Variants in PCDH1 observed in about 807,000 individuals in gnomAD.
PCDH1 encodes protocadherin-1.
A neutral mutation model predicts 74.6 loss-of-function variants in PCDH1; 23 were observed. The observed-to-expected ratio is 0.31, with a 90% CI of 0.22 to 0.44. The LOEUF (loss-of-function observed/expected upper bound fraction) is 0.44, where lower values mean the gene tolerates loss of function less well. PCDH1 is among the 20% of genes least tolerant of loss of function. The pLI is 1.00. For missense variants in PCDH1, 1,214 were observed against 1,641.4 expected (o/e 0.74, Z 4.50); for synonymous variants, 647 against 686.1 (o/e 0.94, Z 0.89).
intron 1 of PCDH1, among the ~76,000 whole-genome samples, chr5:141,873,060 T>A (rs1337670351): frequency 1.3e-5 from 2 of 152,148 alleles, no homozygotes; most frequent in Middle Eastern, 3.4e-3. Flanking sequence ...TGTGATGCAA[T>A]GGTCGGACCA....
intron 3 of PCDH1, among the ~76,000 whole-genome samples, chr5:141,860,567 C>A (rs1007268022): frequency 8.6e-5 from 13 of 151,584 alleles, no homozygotes; most frequent in Admixed American, 3.9e-4. Context: ...CTCTGCAGAG[C>A]CTTTAATAGG....
In PCDH1 at chr5:141,856,715, A is replaced by G. The variant is rs368052496; in HGVS notation, c.3319+537T>C. 5.9e-5 allele frequency among the ~76,000 whole-genome samples: 9 copies of G among 152,026 alleles called. No homozygotes were observed. In the South Asian group the frequency reaches 1.9e-3, roughly 32 times the overall value. Reference sequence around the variant, plus strand: ...CAGACCTCCTACCGCGCTCTTCCTCAAAGAGGTGCCAAACCTTCTCCCACT... The same window carrying G: ...CAGACCTCCTACCGCGCTCTTCCTCGAAGAGGTGCCAAACCTTCTCCCACT... On this transcript the variant is annotated intron_variant, in intron 4 of 4. Transcript: ENST00000287008.
rs1253597329 is a variant in PCDH1, at chr5:141,869,723, C to G, written c.41-292G>C. The G allele has an allele frequency of 2.0e-6, 3 of 1,471,522 alleles. No individual in the cohort carries two copies. The highest frequency in any genetic ancestry group is 2.7e-6 in the Non-Finnish European group (3 of 1,110,612). 91.2% of individuals were successfully genotyped at this position (1,471,522 alleles called of 1,614,324 possible). ...TCACCCACCTGACGCTCCCTGGGCC[C>G]AAGCCCGGCTGCCCGCCCTCTTTCC... On this transcript the variant is annotated intron_variant, in intron 1 of 4. Transcript: ENST00000287008. This position sits in a 1 kb window ranked among gnomAD's most constrained non-coding sequence, Gnocchi z 4.9.
At chr5:141,867,469 C>A in intron 2 of PCDH1, 1 of 415,228 alleles carries the variant, frequency 2.4e-6, no homozygotes, top group Non-Finnish European at 4.7e-6. Flanking sequence ...ATAATACTTA[C>A]CTTGTACTGT....
At chr5:141,871,218 A>T (rs1753089977) in intron 1 of PCDH1, among the ~76,000 whole-genome samples, 1 of 152,254 alleles carries the variant, frequency 6.6e-6, no homozygotes, top group Non-Finnish European at 1.5e-5. Context: ...ACCTTTGCAC[A>T]TCTGGGTACA....
intron 3 of PCDH1, among the ~76,000 whole-genome samples, chr5:141,858,241 A>G (rs1278948749): frequency 6.6e-6 from 1 of 152,146 alleles, no homozygotes; most frequent in East Asian, 1.9e-4. Context: ...TGGGAGTGGA[A>G]AAAAAGGGAG....
chr5:141,857,972 C>G (rs953390668), intron 3 of PCDH1, among the ~76,000 whole-genome samples: 28 of 152,178 alleles, frequency 1.8e-4, no homozygotes, highest in Admixed American at 1.6e-3. Flanking sequence ...CTAAAAGAAG[C>G]AGACTCCTAA....
intron 3 of PCDH1, chr5:141,862,555 G>T: frequency 1.1e-6 from 1 of 871,556 alleles, no homozygotes; most frequent in Non-Finnish European, 1.4e-6. Flanking sequence ...GAGGCAAAGA[G>T]AAGGGAAGGG....
At chr5:141,871,304 G>T (rs1753091541) in intron 1 of PCDH1, among the ~76,000 whole-genome samples, 1 of 152,242 alleles carries the variant, frequency 6.6e-6, no homozygotes, top group Admixed American at 6.5e-5. Flanking sequence ...CCTGGGCACT[G>T]GGATGCAGAA....
rs748800979 is a variant in PCDH1, at chr5:141,864,654, G to A, written c.1677C>T (p.Pro559=). 23 of 1,613,616 alleles carry A rather than the reference G, an allele frequency of 1.4e-5. No individual in the cohort carries two copies. Among genetic ancestry groups the A allele is most frequent in the East Asian group, 1.3e-4 (6 of 44,878 alleles). ...TCTTCACCTGGATCTCTCCAGTCTC[G>A]GGTGAGATGGTGAAGAGGCCCTTAG... The part of the protein sequence containing the change: ...PAAKGLFTIS[P]ETGEIQVKTS... The change falls in exon 3 of 5, where the codon CCC becomes CCT. Residue 559 remains proline (P), a synonymous_variant. Coordinates refer to ENST00000287008, the MANE Select transcript of PCDH1 (RefSeq NM_032420.5). The surrounding 1 kb of genome is among the most constrained non-coding windows in gnomAD (Gnocchi z 5.9).
At position 141,863,893 on chromosome 5, in the gene PCDH1, T is replaced by A. The variant is rs751967807; in HGVS notation, c.2438A>T (p.Asn813Ile). 1 of 1,613,990 alleles carries A rather than the reference T, an allele frequency of 6.2e-7. No homozygotes were observed. Among genetic ancestry groups the A allele is most frequent in the Non-Finnish European group, 8.5e-7 (1 of 1,180,012 alleles). Residue 813 changes from asparagine to isoleucine, a missense_variant, in exon 3 of 5, where the codon AAT becomes ATT. Around this residue, in one of 4 missense-constraint regions of PCDH1, gnomAD observed 836 missense variants for 1,182.2 expected, o/e 0.71. Coordinates refer to ENST00000287008, the MANE Select transcript of PCDH1 (RefSeq NM_032420.5). This position sits in a 1 kb window ranked among gnomAD's most constrained non-coding sequence, Gnocchi z 7.5. ...YGTALVHLYVNETLANRTLLE... is the reference protein window; with the variant it reads ...YGTALVHLYVIETLANRTLLE... The stretch of plus-strand genomic sequence containing the variant: ...CAGCGTGCGGTTGGCCAGAGTCTCA[T>A]TGACATAAAGATGGACCAAGGCTGT...
At chr5:141,872,636 G>A (rs555787482) in intron 1 of PCDH1, among the ~76,000 whole-genome samples, 1 of 152,260 alleles carries the variant, frequency 6.6e-6, no homozygotes, top group African/African-American at 2.4e-5. Context: ...GTCACAACCT[G>A]AGGCCCTATA....
chr5:141,863,292 G>C lies in PCDH1; in HGVS notation c.3039C>G (p.Gly1013=), dbSNP rs61747619. 0.012 allele frequency: 18,555 copies of C among 1,579,424 alleles called. 131 individuals carry two copies. The highest frequency in any genetic ancestry group is 0.014 in the Non-Finnish European group (16,290 of 1,162,380). The change falls in exon 3 of 5, where the codon GGC becomes GGG. Residue 1013 remains glycine (G), a synonymous_variant. Transcript: ENST00000287008. This position sits in a 1 kb window ranked among gnomAD's most constrained non-coding sequence, Gnocchi z 7.5. ...FVGTGDTTST[G]SEQYSDYSYR... ...AGCTGTAGTCGGAGTACTGCTCAGA[G>C]CCCGTGGACGTGGTGTCCCCGGTGC...
chr5:141,854,623 C>A (rs988643518), intron 4 of PCDH1, among the ~76,000 whole-genome samples, 187 bp from the exon 5 acceptor site: 2 of 152,088 alleles, frequency 1.3e-5, no homozygotes, highest in Non-Finnish European at 2.9e-5. Flanking sequence ...ACCTACTGGC[C>A]TACTGTACAC....
At chr5:141,857,048 C>T (rs191741442) in intron 4 of PCDH1, among the ~76,000 whole-genome samples, 1 of 152,356 alleles carries the variant, frequency 6.6e-6, no homozygotes, top group East Asian at 1.9e-4. Context: ...TCAGTTTCCT[C>T]CACTGTAAAG....
chr5:141,865,197 C>G lies in PCDH1; in HGVS notation c.1134G>C (p.Lys378Asn), dbSNP rs1363678924. The change falls in exon 3 of 5, where the codon AAG becomes AAC. Residue 378 changes from lysine (K) to asparagine (N), a missense_variant. Lys to Asn is a moderately conservative substitution (Grantham distance 94). Around this residue, in one of 4 missense-constraint regions of PCDH1, gnomAD observed 836 missense variants for 1,182.2 expected, o/e 0.71. Transcript: ENST00000287008. This position sits in a 1 kb window ranked among gnomAD's most constrained non-coding sequence, Gnocchi z 4.4. ...SARAQVVVTV[K>N]DMNDNAPTIE... The stretch of plus-strand genomic sequence containing the variant: ...TGGTGGGGGCATTGTCATTCATGTC[C>G]TTCACGGTCACAACCACCTGGGCAC... 1.2e-6 allele frequency: 2 copies of G among 1,614,154 alleles called. No individual in the cohort carries two copies. Among genetic ancestry groups the G allele is most frequent in the East Asian group, 4.5e-5 (2 of 44,878 alleles).
In PCDH1 at chr5:141,878,399, C is replaced by G; in HGVS notation, c.-137G>C. On this transcript the variant is annotated 5_prime_UTR_variant, in exon 1 of 5. Coordinates refer to ENST00000287008, the MANE Select transcript of PCDH1 (RefSeq NM_032420.5). The surrounding 1 kb of genome is among the most constrained non-coding windows in gnomAD (Gnocchi z 5.5). ...TTTGCGTCCGCGCCGCGCTCCCGCT[C>G]CCCGAGTGTGTGAGGCGGCGGCGGC... The G allele has an allele frequency of 5.1e-6, 3 of 585,622 alleles. No individual in the cohort carries two copies. The highest frequency in any genetic ancestry group is 6.9e-6 in the Non-Finnish European group (3 of 432,048). The allele number at this position is 585,622 out of a possible 1,614,324, so 36.3% of individuals were successfully genotyped here.
Position 141,869,556 on chromosome 5 carries a change from G to C in PCDH1, c.41-125C>G. 2 of 1,537,596 alleles carry C rather than the reference G, an allele frequency of 1.3e-6. No homozygotes were observed. The highest frequency in any genetic ancestry group is 1.2e-5 in the South Asian group (1 of 83,644). ...ACACGATTCTCCACAAGAGCAGTCA[G>C]TCCCAGCACAGAACCCCGATTCCAG... is the stretch of plus-strand genomic sequence containing the variant. On this transcript the variant is annotated intron_variant, in intron 1 of 4. Coordinates refer to ENST00000287008, the MANE Select transcript of PCDH1 (RefSeq NM_032420.5). The surrounding 1 kb of genome is among the most constrained non-coding windows in gnomAD (Gnocchi z 4.9).
rs1753296241 is a variant in PCDH1 at position 141,878,337 on chromosome 5, C to G, written c.-75G>C. 2.7e-6 allele frequency: 3 copies of G among 1,100,158 alleles called. No individual in the cohort carries two copies. The highest frequency in any genetic ancestry group is 3.9e-5 in the East Asian group (1 of 25,854). 68.1% of individuals were successfully genotyped at this position (1,100,158 alleles called of 1,614,324 possible). A position where few individuals can be genotyped will look rare whatever the true frequency, so the allele number is the denominator to read the frequency against. ...GGAGCTGCAGTTCGGGCTCCGGCTCCGGCTCCGGCTGGCTCTGGGCGCAGC... is the reference window on the plus strand; with the variant it reads ...GGAGCTGCAGTTCGGGCTCCGGCTCGGGCTCCGGCTGGCTCTGGGCGCAGC... On this transcript the variant is annotated 5_prime_UTR_variant, in exon 1 of 5. Transcript: ENST00000287008. This position sits in a 1 kb window ranked among gnomAD's most constrained non-coding sequence, Gnocchi z 5.5.
Sources: gnomAD v4.1 joint callset for allele counts (sites outside exome capture counted in the v4.1 genomes callset) on GRCh38, gnomAD v4.1.1 for gene constraint, gnomAD v4.1.1 regional missense constraint, Gnocchi (gnomAD v3.1) non-coding constraint, MANE v1.5 for transcripts, NCBI Gene and HGNC (gene_info 2026-07-23, HGNC 2026-07-21) for gene names.